Variants in DOCK7 observed in about 807,000 individuals in gnomAD.
The protein encoded by DOCK7 is dedicator of cytokinesis 7.
Under a neutral mutation model 271.0 loss-of-function variants are expected in DOCK7, and 138 were observed. That is an observed-to-expected ratio of 0.51 (90% CI 0.44 to 0.59). DOCK7 has a LOEUF of 0.59. DOCK7 is among the 20% of genes least tolerant of loss of function. The probability of loss-of-function intolerance (pLI) is 0.00; values close to 1 mark genes in which losing one functional copy is unlikely to be tolerated. For synonymous variants in DOCK7, 823 were observed against 876.1 expected (o/e 0.94, Z 1.07); for missense variants, 2,066 against 2,592.4 (o/e 0.80, Z 4.41).
At chr1:62,559,250 G>T in intron 19 of DOCK7, 30 bp from the exon 20 acceptor site, 1 of 1,561,636 alleles carries the variant, frequency 6.4e-7, no homozygotes, top group Non-Finnish European at 8.8e-7. Flanking sequence ...AAAGCACTAA[G>T]CACTTATAAC....
intron 7 of DOCK7, among the ~76,000 whole-genome samples, chr1:62,645,542 C>A (rs1169797367): frequency 6.6e-6 from 1 of 152,054 alleles, no homozygotes; most frequent in African/African-American, 2.4e-5. Context: ...GGAAAAGAGG[C>A]ACTTACTATT....
chr1:62,670,881 T>G (rs1659913084), intron 1 of DOCK7, among the ~76,000 whole-genome samples: 1 of 152,122 alleles, frequency 6.6e-6, no homozygotes, highest in South Asian at 2.1e-4. Context: ...GGAAGCTTTG[T>G]TCTTTCGCTC....
At chr1:62,470,604 AC>A (rs1645803960) in intron 48 of DOCK7, among the ~76,000 whole-genome samples, 2 of 151,884 alleles carry the variant, frequency 1.3e-5, no homozygotes, top group Non-Finnish European at 2.9e-5. Context: ...GACCAGCCTG[AC>A]CAACATGATG....
chr1:62,688,284 ACGGCGG>A lies in DOCK7; in HGVS notation c.-26_-21del. On this transcript the variant is annotated 5_prime_UTR_variant, in exon 1 of 50. Transcript: ENST00000635253. ...GGCCATGGCTGCTGCGGCGACGGCG[ACGGCGG>A]CGGCGGCTGCGGCGGGCCGGGTGCG... is the stretch of plus-strand genomic sequence containing the variant. 1 of 1,253,850 alleles carries A rather than the reference ACGGCGG, an allele frequency of 8.0e-7. No homozygotes were observed. The highest frequency in any genetic ancestry group is 1.0e-6 in the Non-Finnish European group (1 of 989,924). 77.7% of individuals were successfully genotyped at this position (1,253,850 alleles called of 1,614,324 possible).
chr1:62,636,489 A>T (rs1197043759), intron 8 of DOCK7, 48 bp downstream of exon 8: 3 of 1,426,942 alleles, frequency 2.1e-6, no homozygotes, highest in Admixed American at 4.1e-5. Context: ...CAGGTTTCTG[A>T]AACCAATGAT....
At chr1:62,663,266 A>T (rs1428294311) in intron 1 of DOCK7, 136 bp from the exon 2 acceptor site, 30 of 657,608 alleles carry the variant, frequency 4.6e-5, no homozygotes, top group Non-Finnish European at 7.0e-5. Context: ...TAAGGCTAGA[A>T]ATTCGTAAAA....
chr1:62,677,407 T>C (rs992594119), intron 1 of DOCK7, among the ~76,000 whole-genome samples: 3 of 152,146 alleles, frequency 2.0e-5, no homozygotes, highest in Non-Finnish European at 2.9e-5. Flanking sequence ...AATCTCATAG[T>C]GGCCATTTTG....
At chr1:62,500,537 A>G (rs1646751390) in intron 37 of DOCK7, among the ~76,000 whole-genome samples, 1 of 152,194 alleles carries the variant, frequency 6.6e-6, no homozygotes, top group South Asian at 2.1e-4. Context: ...TAAATGAACT[A>G]AAAGTACACA....
intron 14 of DOCK7, among the ~76,000 whole-genome samples, chr1:62,618,265 G>A (rs1008242048): frequency 2.6e-5 from 4 of 152,040 alleles, no homozygotes; most frequent in African/African-American, 9.7e-5. Flanking sequence ...CATAATGCAG[G>A]CACATAAATT....
chr1:62,527,095 C>G (rs1003285185), intron 31 of DOCK7, among the ~76,000 whole-genome samples: 5 of 152,014 alleles, frequency 3.3e-5, no homozygotes, highest in Admixed American at 3.3e-4. Context: ...ATAAAATTGT[C>G]AAGTTTCCTT....
chr1:62,571,986 T>C (rs565589751), intron 18 of DOCK7, among the ~76,000 whole-genome samples: 2 of 152,216 alleles, frequency 1.3e-5, no homozygotes, highest in South Asian at 4.1e-4. Context: ...GGTTGATAGG[T>C]GCGGCAAATC....
intron 34 of DOCK7, among the ~76,000 whole-genome samples, chr1:62,509,757 T>A (rs1644427755): frequency 6.6e-6 from 1 of 152,144 alleles, no homozygotes; most frequent in East Asian, 1.9e-4. Flanking sequence ...TTCCTCTGTT[T>A]TATGATTTTA....
chr1:62,568,579 G>A (rs1195126139), intron 18 of DOCK7, among the ~76,000 whole-genome samples: 2 of 138,520 alleles, frequency 1.4e-5, no homozygotes, highest in African/African-American at 5.4e-5. Flanking sequence ...TGCTTGGATT[G>A]CAGGCGTGAG....
chr1:62,683,245 T>C (rs948916490), intron 1 of DOCK7, among the ~76,000 whole-genome samples: 1 of 152,072 alleles, frequency 6.6e-6, no homozygotes, highest in East Asian at 1.9e-4. Context: ...GTGAGATGAG[T>C]ACAACAAAAG....
chr1:62,624,677 A>G (rs1653710812), intron 12 of DOCK7, among the ~76,000 whole-genome samples: 1 of 152,192 alleles, frequency 6.6e-6, no homozygotes, highest in Non-Finnish European at 1.5e-5. Context: ...TACACTATTA[A>G]CAATTTGGAA....
chr1:62,576,241 T>C (rs1646938156), intron 18 of DOCK7, among the ~76,000 whole-genome samples: 1 of 152,074 alleles, frequency 6.6e-6, no homozygotes, highest in Non-Finnish European at 1.5e-5. Context: ...ATAAATGACA[T>C]GAGGAAAAAT....
chr1:62,612,551 A>G (rs10889348), intron 14 of DOCK7, among the ~76,000 whole-genome samples: 1 of 151,030 alleles, frequency 6.6e-6, no homozygotes, highest in Non-Finnish European at 1.5e-5. Flanking sequence ...AAATAAAATT[A>G]AAAAAAAAAT....
At chr1:62,530,036 G>C (rs1645127840) in intron 29 of DOCK7, among the ~76,000 whole-genome samples, 1 of 152,114 alleles carries the variant, frequency 6.6e-6, no homozygotes, top group South Asian at 2.1e-4. Flanking sequence ...ACTAACAAGG[G>C]TCACTTTCAC....
At chr1:62,567,029 T>C (rs1431036096) in intron 18 of DOCK7, among the ~76,000 whole-genome samples, 3 of 152,078 alleles carry the variant, frequency 2.0e-5, no homozygotes, top group Admixed American at 2.0e-4. Context: ...ATGGCGATCA[T>C]TAAAAAGTCA....
Sources: allele counts gnomAD v4.1 joint callset (sites outside exome capture counted in the v4.1 genomes callset), GRCh38; gene constraint gnomAD v4.1.1; transcripts MANE v1.5; gene names NCBI Gene and HGNC (gene_info 2026-07-23, HGNC 2026-07-21).